CACNA2D3: variants seen among roughly 807,000 people sequenced by gnomAD.
CACNA2D3 encodes voltage-dependent calcium channel subunit alpha-2/delta-3.
CACNA2D3 carries 60 observed loss-of-function variants against 160.6 expected under a neutral mutation model. That is an observed-to-expected ratio of 0.37 (90% CI 0.30 to 0.46). CACNA2D3 has a LOEUF of 0.46. Among genes scored for constraint, CACNA2D3 ranks in the 20% least tolerant of loss-of-function variants. CACNA2D3 has a pLI of 1.00. For synonymous variants in CACNA2D3, 558 were observed against 492.9 expected, an observed-to-expected ratio of 1.13 and a Z score of -1.75; for missense variants, 1,205 against 1,365.0, an observed-to-expected ratio of 0.88 and a Z score of 1.85.
intron 13 of CACNA2D3, among the ~76,000 whole-genome samples, chr3:54,807,861 A>T (rs2057718082): frequency 1.3e-5 from 2 of 150,372 alleles, no homozygotes; most frequent in Non-Finnish European, 3.0e-5. Flanking sequence ...TACACCATGG[A>T]ATACTATGCA....
chr3:54,264,732 CACTT>C (rs550499771), intron 2 of CACNA2D3, among the ~76,000 whole-genome samples: 104 of 152,272 alleles, frequency 6.8e-4, no homozygotes, highest in Admixed American at 2.1e-3. Context: ...ATTTTGGAAA[CACTT>C]AGGTAAATTA....
rs1553785965 is a variant in CACNA2D3 at position 54,689,010 on chromosome 3, A to AAAAAAG, written c.1167+46770_1167+46771insAAAAGA. Among the ~76,000 whole-genome samples, 30 of 85,496 alleles carry AAAAAAG rather than the reference A, an allele frequency of 3.5e-4. 3 individuals are homozygous for AAAAAAG. The highest frequency in any genetic ancestry group is 4.6e-4 in the Admixed American group (3 of 6,584). The allele number at this position is 85,496 out of a possible 152,430, so 56.1% of individuals were successfully genotyped here. On this transcript the variant is annotated intron_variant, in intron 11 of 37. Transcript: ENST00000474759. Reference sequence around the variant, plus strand: ...AAAAAAAAAAAAAAAAAAAAAAAAAAAGAATGAGGTTGTATACATAAAGCA... The same window carrying AAAAAAG: ...AAAAAAAAAAAAAAAAAAAAAAAAAAAAAAAGAGAATGAGGTTGTATACATAAAGCA...
Position 54,534,435 on chromosome 3 carries a change from T to G in CACNA2D3, c.545-28365T>G, listed in dbSNP as rs577935734. On this transcript the variant is annotated intron_variant, in intron 5 of 37. Transcript: ENST00000474759. ...TCTCAGAGCTCATTTCCTCCCCTGC[T>G]CACTCGGAGCTGTTCTTCACCATGT... is the stretch of plus-strand genomic sequence containing the variant. Among the ~76,000 whole-genome samples, 4 of 152,250 alleles carry G rather than the reference T, an allele frequency of 2.6e-5. No homozygotes were observed. The South Asian group carries it at 8.3e-4, about 32-fold the overall frequency.
chr3:54,223,069 ATCT>A (rs758615831), intron 2 of CACNA2D3, among the ~76,000 whole-genome samples: 7 of 152,162 alleles, frequency 4.6e-5, no homozygotes, highest in East Asian at 1.9e-4. Context: ...TGTTAATTAA[ATCT>A]TCTTATTTTA....
chr3:54,583,089 G>C (rs1036049099), intron 9 of CACNA2D3, among the ~76,000 whole-genome samples: 1 of 152,154 alleles, frequency 6.6e-6, no homozygotes, highest in Non-Finnish European at 1.5e-5. Flanking sequence ...CATTTTTCTA[G>C]AGACTTTCCC....
chr3:54,747,308 G>A (rs1480274097), intron 11 of CACNA2D3, among the ~76,000 whole-genome samples: 1 of 152,132 alleles, frequency 6.6e-6, no homozygotes, highest in Admixed American at 6.6e-5. Flanking sequence ...GCCTTGTGAA[G>A]TTTGAGGACT....
chr3:54,739,330 G>T (rs1300264643), intron 11 of CACNA2D3, among the ~76,000 whole-genome samples: 1 of 148,644 alleles, frequency 6.7e-6, no homozygotes, highest in African/African-American at 2.5e-5. Flanking sequence ...CGAAGCGGGA[G>T]AATTGCCTGA....
At position 54,143,527 on chromosome 3, in the gene CACNA2D3, G is replaced by C. The variant is rs550599888; in HGVS notation, c.204+19933G>C. Among the ~76,000 whole-genome samples, 7 of 152,074 alleles carry C rather than the reference G, an allele frequency of 4.6e-5. No homozygotes were observed. In the East Asian group the frequency reaches 1.4e-3, roughly 29 times the overall value. On this transcript the variant is annotated intron_variant, in intron 2 of 37. Transcript: ENST00000474759. ...TTATTTTTATATTTTTGAGATGGAG[G>C]CTTGCTCTGTCGCCCAGGCTGGAGT...
At chr3:54,580,607 T>A (rs1282075546) in intron 8 of CACNA2D3, among the ~76,000 whole-genome samples, 1 of 152,150 alleles carries the variant, frequency 6.6e-6, no homozygotes, top group Non-Finnish European at 1.5e-5. Context: ...CTGTCATCAA[T>A]CAAATGGTCC....
At chr3:54,934,255 A>G (rs1293074425) in intron 27 of CACNA2D3, among the ~76,000 whole-genome samples, 1 of 152,166 alleles carries the variant, frequency 6.6e-6, no homozygotes, top group East Asian at 1.9e-4. Context: ...TACACAACCC[A>G]TTCTTTTGAC....
chr3:54,628,023 G>C, intron 10 of CACNA2D3, 147 bp downstream of exon 10: 1 of 646,226 alleles, frequency 1.5e-6, no homozygotes, highest in South Asian at 1.8e-5. Context: ...ATGAGGTCAG[G>C]AGATCCAGAC....
chr3:54,796,781 C>T (rs1702874106), intron 13 of CACNA2D3, among the ~76,000 whole-genome samples: 2 of 152,198 alleles, frequency 1.3e-5, no homozygotes, highest in Admixed American at 1.3e-4. Context: ...AAAAGAGCTA[C>T]ATAGTCACTT....
intron 13 of CACNA2D3, among the ~76,000 whole-genome samples, chr3:54,780,899 T>C (rs755179769): frequency 1.5e-4 from 23 of 152,228 alleles, no homozygotes; most frequent in Non-Finnish European, 1.9e-4. Flanking sequence ...GGCTTTCTGG[T>C]ATGTAAAAGC....
At chr3:54,318,681 T>G (rs1012731428) in intron 2 of CACNA2D3, among the ~76,000 whole-genome samples, 3 of 142,322 alleles carry the variant, frequency 2.1e-5, no homozygotes, top group African/African-American at 8.0e-5. Context: ...CCTGTAAGGG[T>G]AAGAGGAGTA....
chr3:54,806,476 C>A (rs1703129745), intron 13 of CACNA2D3, among the ~76,000 whole-genome samples: 1 of 151,982 alleles, frequency 6.6e-6, no homozygotes, highest in African/African-American at 2.4e-5. Flanking sequence ...GAATAAAATA[C>A]CTAGGAATCC....
chr3:54,972,656 A>G (rs564603646), intron 29 of CACNA2D3, among the ~76,000 whole-genome samples: 8 of 152,246 alleles, frequency 5.3e-5, no homozygotes, highest in Admixed American at 2.0e-4. Context: ...TCCCCAGTCA[A>G]TGCACTCTCT....
At chr3:54,147,830 C>T (rs1361773000) in intron 2 of CACNA2D3, among the ~76,000 whole-genome samples, 6 of 152,182 alleles carry the variant, frequency 3.9e-5, no homozygotes, top group East Asian at 1.9e-4. Context: ...GTTTTTGAGA[C>T]GGACTCTTGC....
rs1335151513 is a variant in CACNA2D3 at position 55,074,179 on chromosome 3, T to C, written c.3249T>C (p.Pro1083=). 6.2e-7 allele frequency: 1 copy of C among 1,613,776 alleles called. No individual in the cohort carries two copies. ...CCCAGACAGTCCTCCTTCTGCTCCC[T>C]CTGCTTTTGATGCTCTTCTCAAGGT... The part of the protein sequence containing the change: ...LQAQTVLLLL[P]LLLMLFSR The change falls in exon 38 of 38, where the codon CCT becomes CCC. Residue 1083 remains proline (P), a synonymous_variant. Transcript: ENST00000474759.
chr3:54,897,370 T>G (rs1700215548), intron 26 of CACNA2D3, among the ~76,000 whole-genome samples: 1 of 152,250 alleles, frequency 6.6e-6, no homozygotes, highest in Admixed American at 6.5e-5. Flanking sequence ...CGATTAGTTT[T>G]TCAGTCCTAA....
Sources: allele counts gnomAD v4.1 joint callset (sites outside exome capture counted in the v4.1 genomes callset), GRCh38; gene constraint gnomAD v4.1.1; transcripts MANE v1.5; gene names NCBI Gene and HGNC (gene_info 2026-07-23, HGNC 2026-07-21).